The following DOCK4 variants were observed in gnomAD, a reference collection of about 807,000 sequenced individuals.
The protein encoded by DOCK4 is dedicator of cytokinesis protein 4.
A neutral mutation model predicts 268.1 loss-of-function variants in DOCK4; 97 were observed. That is an observed-to-expected ratio of 0.36 (90% CI 0.31 to 0.43). The LOEUF is 0.43. Ranked by LOEUF, DOCK4 falls within the 20% of genes least tolerant of loss-of-function variation. The probability of loss-of-function intolerance (pLI) is 1.00; values close to 1 mark genes in which losing one functional copy is unlikely to be tolerated. For missense variants in DOCK4, 2,145 were observed against 2,455.7 expected (o/e 0.87, Z 2.67); for synonymous variants, 954 against 887.2 (o/e 1.08, Z -1.34).
Position 111,933,240 on chromosome 7 carries a change from GTATATATACATATATACT to G in DOCK4, c.1066+2282_1066+2299del, listed in dbSNP as rs1562905072. On this transcript the variant is annotated intron_variant, in intron 12 of 52. Transcript: ENST00000428084. ...TATATACGTATATACACATATATAC[GTATATATACATATATACT>G]TATATATATATACATATATACATAT... Among the ~76,000 whole-genome samples the G allele has an allele frequency of 4.4e-5, 5 of 113,676 alleles. No individual in the cohort carries two copies. The South Asian group carries it at 8.5e-4, about 19-fold the overall frequency. The allele number at this position is 113,676 out of a possible 152,430, so 74.6% of individuals were successfully genotyped here.
chr7:111,960,129 G>C (rs1796752149), intron 8 of DOCK4, among the ~76,000 whole-genome samples: 1 of 151,912 alleles, frequency 6.6e-6, no homozygotes, highest in East Asian at 1.9e-4. Context: ...ACTTTCGGAG[G>C]CTGAGGTGGG....
chr7:111,761,744 G>C (rs1379355158), intron 39 of DOCK4, among the ~76,000 whole-genome samples: 1 of 152,004 alleles, frequency 6.6e-6, no homozygotes, highest in Admixed American at 6.6e-5. Context: ...GAACTGGGCT[G>C]GATAACCTAC....
At chr7:111,900,347 A>G in intron 15 of DOCK4, 27 bp downstream of exon 15, 1 of 1,607,340 alleles carries the variant, frequency 6.2e-7, no homozygotes, top group Non-Finnish European at 8.5e-7. Context: ...CAATAGACAC[A>G]GGTAGCCAAT....
intron 1 of DOCK4, among the ~76,000 whole-genome samples, chr7:112,092,816 T>A (rs538076485): frequency 1.3e-5 from 2 of 152,060 alleles, no homozygotes; most frequent in South Asian, 2.1e-4. Context: ...CCTAAGAAGA[T>A]GAAATGAAAA....
Position 111,845,200 on chromosome 7 carries a change from G to C in DOCK4, c.2602-303C>G, listed in dbSNP as rs117663438. 2.4e-3 allele frequency among the ~76,000 whole-genome samples: 360 copies of C among 152,308 alleles called. 5 individuals carry two copies. Among genetic ancestry groups the C allele is most frequent in the South Asian group, 0.023 (112 of 4,826 alleles). On this transcript the variant is annotated intron_variant, in intron 24 of 52. Coordinates refer to ENST00000428084, the MANE Select transcript of DOCK4 (RefSeq NM_001363540.2). ...AGGGTGTGTGACCTCAGGCAAGTCA[G>C]TCTGCCTCTCTGAGCCTGAATCTTC...
At chr7:111,926,275 A>C (rs938201717) in intron 12 of DOCK4, among the ~76,000 whole-genome samples, 3 of 143,440 alleles carry the variant, frequency 2.1e-5, no homozygotes, top group Non-Finnish European at 4.5e-5. Flanking sequence ...TGAATAAATA[A>C]ATAAATAAGC....
chr7:111,818,168 C>T (rs944580674), intron 27 of DOCK4, among the ~76,000 whole-genome samples: 3 of 152,210 alleles, frequency 2.0e-5, no homozygotes, highest in African/African-American at 7.2e-5. Context: ...GGGCTCAGTC[C>T]TGTCTTTTTC....
At chr7:111,863,678 A>AACATTTCATACTT in intron 22 of DOCK4, 114 bp from the exon 23 acceptor site, 1 of 1,116,790 alleles carries the variant, frequency 9.0e-7, no homozygotes, top group Non-Finnish European at 1.2e-6. Flanking sequence ...TAGGAATAGA[A>AACATTTCATACTT]GTATGAAATG....
intron 26 of DOCK4, among the ~76,000 whole-genome samples, chr7:111,828,644 C>T (rs1302985073): frequency 2.0e-5 from 3 of 151,794 alleles, no homozygotes; most frequent in African/African-American, 4.8e-5. Flanking sequence ...AACAATTACA[C>T]GTCTAGGAAT....
intron 16 of DOCK4, among the ~76,000 whole-genome samples, chr7:111,890,705 A>G (rs1808217934): frequency 6.6e-6 from 1 of 152,176 alleles, no homozygotes; most frequent in Non-Finnish European, 1.5e-5. Flanking sequence ...TTTAGAACAC[A>G]TTGAGAAGTG....
At position 111,790,607 on chromosome 7, in the gene DOCK4, T is replaced by C. The variant is rs1392223856; in HGVS notation, c.3167-2A>G. 6.3e-7 allele frequency: 1 copy of C among 1,587,960 alleles called. No homozygotes were observed. Among genetic ancestry groups the C allele is most frequent in the East Asian group, 2.2e-5 (1 of 44,500 alleles). On this transcript the variant is annotated splice_acceptor_variant, in intron 30 of 52. Transcript: ENST00000428084. LOFTEE classifies it high-confidence loss of function. ...GGATAAAATGAAGCTTGTGCTCTCC[T>C]AAAGTGAGAAAAATATTTGAGTTTC...
intron 1 of DOCK4, among the ~76,000 whole-genome samples, chr7:112,108,937 A>G (rs1811380532): frequency 6.6e-6 from 1 of 152,118 alleles, no homozygotes; most frequent in South Asian, 2.1e-4. Context: ...TGTAAAGGTG[A>G]CAAATCTCTT....
At chr7:111,868,575 T>C (rs1194339469) in intron 21 of DOCK4, among the ~76,000 whole-genome samples, 1 of 152,072 alleles carries the variant, frequency 6.6e-6, no homozygotes, top group Non-Finnish European at 1.5e-5. Context: ...CCAGGCATGG[T>C]GGCCCATGCC....
In DOCK4 at chr7:111,802,664, T is replaced by A. The variant is rs987368103; in HGVS notation, c.3166+6157A>T. Reference sequence around the variant, plus strand: ...GAAGACCATATTAGCATGCACTTGCTTGAGTACTTTTGAATCTCTTAAAAA... The same window carrying A: ...GAAGACCATATTAGCATGCACTTGCATGAGTACTTTTGAATCTCTTAAAAA... On this transcript the variant is annotated intron_variant, in intron 30 of 52. Transcript: ENST00000428084. Among the ~76,000 whole-genome samples the A allele has an allele frequency of 4.6e-5, 7 of 152,240 alleles. No homozygotes were observed. The East Asian group carries it at 1.3e-3, about 29-fold the overall frequency.
At chr7:111,780,670 C>A in intron 35 of DOCK4, among the ~76,000 whole-genome samples, 1 of 152,132 alleles carries the variant, frequency 6.6e-6, no homozygotes, top group African/African-American at 2.4e-5. Flanking sequence ...CCAATTTAAC[C>A]CCGATCTTGT....
At chr7:111,907,308 A>T (rs1189245437) in intron 13 of DOCK4, among the ~76,000 whole-genome samples, 1 of 152,168 alleles carries the variant, frequency 6.6e-6, no homozygotes, top group South Asian at 2.1e-4. Context: ...ATGACAATTA[A>T]GCAAGCAAGG....
intron 12 of DOCK4, among the ~76,000 whole-genome samples, chr7:111,933,360 T>C (rs1394290798): frequency 2.7e-5 from 4 of 147,410 alleles, no homozygotes; most frequent in Non-Finnish European, 6.0e-5. Context: ...AGTGGTGCGA[T>C]CTTGGCTCAC....
intron 32 of DOCK4, among the ~76,000 whole-genome samples, chr7:111,786,782 T>C (rs115034912): frequency 2.4e-3 from 371 of 152,340 alleles, no homozygotes; most frequent in African/African-American, 7.9e-3. Context: ...TACTAATTCA[T>C]TGTGATTTCT....
At chr7:112,183,022 C>G (rs1223466893) in intron 1 of DOCK4, among the ~76,000 whole-genome samples, 1 of 152,202 alleles carries the variant, frequency 6.6e-6, no homozygotes, top group Non-Finnish European at 1.5e-5. Context: ...ACACAGGGCC[C>G]AGCTACACTC....
Sources: allele counts gnomAD v4.1 joint callset (sites outside exome capture counted in the v4.1 genomes callset), GRCh38; gene constraint gnomAD v4.1.1; transcripts MANE v1.5; gene names NCBI Gene and HGNC (gene_info 2026-07-23, HGNC 2026-07-21).